ALPK2: variants seen among roughly 807,000 people sequenced by gnomAD.
ALPK2 encodes the protein alpha kinase 2.
A neutral mutation model predicts 163.1 loss-of-function variants in ALPK2; 127 were observed. The observed-to-expected ratio is 0.78, with a 90% CI of 0.67 to 0.90. ALPK2 has a LOEUF of 0.90. Among genes scored for constraint, ALPK2 ranks in the 40% least tolerant of loss-of-function variants. The pLI, the probability that ALPK2 is intolerant of heterozygous loss-of-function variation, is 0.00. For missense variants in ALPK2, 2,360 were observed against 2,589.6 expected, an observed-to-expected ratio of 0.91 and a Z score of 1.92; for synonymous variants, 953 against 959.1, an observed-to-expected ratio of 0.99 and a Z score of 0.12.
At chr18:58,528,598 G>A (rs1285020143) in intron 6 of ALPK2, among the ~76,000 whole-genome samples, 2 of 152,144 alleles carry the variant, frequency 1.3e-5, no homozygotes, top group African/African-American at 4.8e-5. Context: ...CTTAGTGATG[G>A]CTGCTGGTCA....
At chr18:58,498,222 C>G in intron 11 of ALPK2, 125 bp from the exon 12 acceptor site, 1 of 850,370 alleles carries the variant, frequency 1.2e-6, no homozygotes, top group East Asian at 2.5e-5. Context: ...CATAAACACT[C>G]GAGGCCTCTT....
intron 12 of ALPK2, among the ~76,000 whole-genome samples, chr18:58,494,091 T>C (rs945473519): frequency 2.6e-5 from 4 of 152,218 alleles, no homozygotes; most frequent in African/African-American, 9.7e-5. Context: ...TAGATCGGTC[T>C]GGAGTTGGTT....
chr18:58,580,029 A>G lies in ALPK2; in HGVS notation c.747T>C (p.Asn249=), dbSNP rs1389063353. Residue 249 remains asparagine (N), a synonymous_variant, in exon 4 of 13, where the codon AAT becomes AAC. Transcript: ENST00000361673. ...ASKFTDGDLN[N]DGPHDEGLRS... ...GTAAGCCTTCATCATGAGGACCATC[A>G]TTGTTCAGGTCACCATCCGTGAACT... 6.2e-6 allele frequency: 10 copies of G among 1,614,222 alleles called. No individual in the cohort carries two copies. In the South Asian group the frequency reaches 6.6e-5, roughly 11 times the overall value.
chr18:58,553,595 G>A (rs1160000490), intron 4 of ALPK2, among the ~76,000 whole-genome samples: 1 of 152,094 alleles, frequency 6.6e-6, no homozygotes, highest in East Asian at 1.9e-4. Flanking sequence ...TTGAACAATG[G>A]GGGCGGTTTC....
intron 4 of ALPK2, among the ~76,000 whole-genome samples, chr18:58,570,177 C>G (rs997334699): frequency 6.6e-6 from 1 of 151,596 alleles, no homozygotes; most frequent in Non-Finnish European, 1.5e-5. Flanking sequence ...TTCCCATCAT[C>G]GGCTAAGATC....
Position 58,580,519 on chromosome 18 carries a change from TG to T in ALPK2, c.256del (p.Gln86LysfsTer10), listed in dbSNP as rs2144200106. 6.2e-7 allele frequency: 1 copy of T among 1,613,912 alleles called. No individual in the cohort carries two copies. On this transcript the variant is annotated frameshift_variant, in exon 4 of 13. Transcript: ENST00000361673. LOFTEE classifies it high-confidence loss of function. ...TCCAAAAGAGTTTTTAGCCGAGATTTGATAGACAGCAGCATCATTTTTGGTA... is the reference window on the plus strand; with the variant it reads ...TCCAAAAGAGTTTTTAGCCGAGATTTATAGACAGCAGCATCATTTTTGGTA... ...CCTKNDAAVYQISAKNSFGMI... is the reference protein window; with the variant it reads ...CCTKNDAAVYXISAKNSFGMI...
chr18:58,556,464 G>A (rs1474130240), intron 4 of ALPK2, among the ~76,000 whole-genome samples: 1 of 152,154 alleles, frequency 6.6e-6, no homozygotes, highest in African/African-American at 2.4e-5. Flanking sequence ...TCACAGGGCT[G>A]TTGAGATAAT....
At chr18:58,610,702 G>A (rs938151072) in intron 2 of ALPK2, among the ~76,000 whole-genome samples, 4 of 152,186 alleles carry the variant, frequency 2.6e-5, no homozygotes, top group East Asian at 1.9e-4. Context: ...AGCACTTTGG[G>A]AGACCAAGGC....
chr18:58,553,342 G>A (rs1482225667), intron 4 of ALPK2, among the ~76,000 whole-genome samples: 1 of 152,140 alleles, frequency 6.6e-6, no homozygotes, highest in Non-Finnish European at 1.5e-5. Flanking sequence ...ACAGGATTTG[G>A]GAATGGGTTA....
rs34830953 is a variant in ALPK2, at chr18:58,629,001, A to AT, written c.-259dup. The AT allele has an allele frequency of 2.0e-5, 3 of 152,204 alleles. No individual in the cohort carries two copies. Among genetic ancestry groups the AT allele is most frequent in the Non-Finnish European group, 1.5e-5 (1 of 68,050 alleles). The allele number at this position is 152,204 out of a possible 1,614,324, so 9.4% of individuals were successfully genotyped here. ...CCCGGGGAAGTTCTGGAAGAAGAGC[A>AT]TTTTTTCCCCGCCCTTCAGTGAACT... On this transcript the variant is annotated 5_prime_UTR_variant, in exon 1 of 13. It adds an upstream start codon to the 5' untranslated region. Coordinates refer to ENST00000361673, the MANE Select transcript of ALPK2 (RefSeq NM_052947.4).
chr18:58,508,763 C>T (rs2144117575), intron 10 of ALPK2, among the ~76,000 whole-genome samples: 1 of 152,288 alleles, frequency 6.6e-6, no homozygotes, highest in Admixed American at 6.5e-5. Flanking sequence ...TCTTAATAAA[C>T]AGGCTTTCAC....
Position 58,549,117 on chromosome 18 carries a change from A to T in ALPK2, c.1963-10893T>A, listed in dbSNP as rs117686736. 2.2e-4 allele frequency among the ~76,000 whole-genome samples: 34 copies of T among 152,146 alleles called. No homozygotes were observed. The East Asian group carries it at 6.4e-3, about 29-fold the overall frequency. On this transcript the variant is annotated intron_variant, in intron 4 of 12. Transcript: ENST00000361673. ...AACCGAAGCTTTATGTTCTCTTTTG[A>T]GTAGAGAGAGAGAAGCATCTTTTGT...
At chr18:58,569,436 G>C (rs1602222745) in intron 4 of ALPK2, among the ~76,000 whole-genome samples, 1 of 152,192 alleles carries the variant, frequency 6.6e-6, no homozygotes, top group Non-Finnish European at 1.5e-5. Context: ...AATCTGAGAA[G>C]GATCCTATAC....
chr18:58,484,030 T>C (rs2051325595), intron 12 of ALPK2, among the ~76,000 whole-genome samples: 1 of 152,154 alleles, frequency 6.6e-6, no homozygotes, highest in Non-Finnish European at 1.5e-5. Flanking sequence ...CCACTCACTG[T>C]AAATTCTGTG....
chr18:58,621,157 C>CAA (rs76747932), intron 1 of ALPK2, among the ~76,000 whole-genome samples: 7 of 77,146 alleles, frequency 9.1e-5, no homozygotes, highest in Non-Finnish European at 1.1e-4. Flanking sequence ...TGTCTCAAAA[C>CAA]AAAAAAAAAA....
chr18:58,531,285 C>T lies in ALPK2; in HGVS notation c.5354-2047G>A, dbSNP rs151043378. On this transcript the variant is annotated intron_variant, in intron 5 of 12. Coordinates refer to ENST00000361673, the MANE Select transcript of ALPK2 (RefSeq NM_052947.4). ...TCACTGCTCCCCTCATCCTAACTCCCGCCCCACCAGTTAACTGGTGGGAAG... is the reference window on the plus strand; with the variant it reads ...TCACTGCTCCCCTCATCCTAACTCCTGCCCCACCAGTTAACTGGTGGGAAG... 9.7e-3 allele frequency among the ~76,000 whole-genome samples: 1,483 copies of T among 152,186 alleles called. 18 individuals are homozygous for T. Among genetic ancestry groups the T allele is most frequent in the African/African-American group, 0.034 (1,398 of 41,518 alleles).
chr18:58,515,739 C>T (rs564438805), intron 9 of ALPK2, among the ~76,000 whole-genome samples: 2 of 152,276 alleles, frequency 1.3e-5, no homozygotes, highest in African/African-American at 4.8e-5. Context: ...GTGGCAGTGC[C>T]GCAGGATCAC....
intron 2 of ALPK2, among the ~76,000 whole-genome samples, chr18:58,610,579 A>T (rs766872178): frequency 3.9e-5 from 6 of 152,222 alleles, no homozygotes; most frequent in Non-Finnish European, 7.3e-5. Flanking sequence ...CTCTGTTTTA[A>T]GATTTTCACT....
rs1424267812 is a variant in ALPK2 at position 58,535,812 on chromosome 18, C to T, written c.4375G>A (p.Gly1459Arg). The change falls in exon 5 of 13, where the codon GGA (glycine) becomes AGA (arginine). Residue 1459 changes from glycine to arginine, a missense_variant. By Grantham distance (125) the Gly-to-Arg change is moderately radical. Transcript: ENST00000361673. ...ATTCTATTTTCACTCAGAATGGTTCCCTGGAGACATGGAACTTGCAAAATG... is the reference window on the plus strand; with the variant it reads ...ATTCTATTTTCACTCAGAATGGTTCTCTGGAGACATGGAACTTGCAAAATG... ...PAILQVPCLQGTILSENRISR... is the reference protein window; with the variant it reads ...PAILQVPCLQRTILSENRISR... The T allele has an allele frequency of 6.2e-7, 1 of 1,614,226 alleles. No homozygotes were observed. The highest frequency in any genetic ancestry group is 8.5e-7 in the Non-Finnish European group (1 of 1,180,034).
Sources: gnomAD v4.1 joint callset for allele counts (sites outside exome capture counted in the v4.1 genomes callset) on GRCh38, gnomAD v4.1.1 for gene constraint, MANE v1.5 for transcripts, NCBI Gene and HGNC (gene_info 2026-07-23, HGNC 2026-07-21) for gene names.